EPB41L1: variants seen among roughly 807,000 people sequenced by gnomAD.
EPB41L1 encodes erythrocyte membrane protein band 4.1 like 1, also known as band 4.1-like protein 1.
Under a neutral mutation model 97.8 loss-of-function variants are expected in EPB41L1, and 29 were observed. The observed-to-expected ratio is 0.30, with a 90% CI of 0.22 to 0.40. EPB41L1 has a LOEUF of 0.40. Among genes scored for constraint, EPB41L1 ranks in the 10% least tolerant of loss-of-function variants. EPB41L1 has a pLI of 1.00. For synonymous variants in EPB41L1, 383 were observed against 459.2 expected (o/e 0.83, Z 2.12); for missense variants, 812 against 1,162.3 (o/e 0.70, Z 4.38).
intron 14 of EPB41L1, among the ~76,000 whole-genome samples, chr20:36,199,622 G>A (rs779242734): frequency 6.6e-6 from 1 of 152,212 alleles, no homozygotes; most frequent in African/African-American, 2.4e-5. Flanking sequence ...GTGGAAGAAG[G>A]GCAGACCTCT....
At chr20:36,157,235 A>AT (rs1285620808) in intron 1 of EPB41L1, among the ~76,000 whole-genome samples, 5 of 152,302 alleles carry the variant, frequency 3.3e-5, no homozygotes, top group Non-Finnish European at 7.4e-5. Context: ...AGAAAAAAAA[A>AT]GGGCGGGGAG....
chr20:36,119,687 G>A (rs2058692701), intron 2 of EPB41L1, among the ~76,000 whole-genome samples: 1 of 151,372 alleles, frequency 6.6e-6, no homozygotes, highest in African/African-American at 2.4e-5. Context: ...GAGGGGAAGG[G>A]AAGGAAAGGG....
intron 2 of EPB41L1, among the ~76,000 whole-genome samples, chr20:36,114,867 A>G (rs1350219487): frequency 6.6e-6 from 1 of 152,120 alleles, no homozygotes; most frequent in Non-Finnish European, 1.5e-5. Context: ...GTGCCTACCT[A>G]TGTAGCTAAC....
chr20:36,135,428 G>T (rs1208799589), intron 2 of EPB41L1, among the ~76,000 whole-genome samples: 1 of 152,236 alleles, frequency 6.6e-6, no homozygotes, highest in African/African-American at 2.4e-5. Flanking sequence ...GAGGTCAGGA[G>T]TCAGCGGGTT....
chr20:36,098,209 A>G (rs1228106102), intron 1 of EPB41L1, among the ~76,000 whole-genome samples: 3 of 152,154 alleles, frequency 2.0e-5, no homozygotes. Flanking sequence ...ACTTCTCATG[A>G]GGAGCCTCTG....
intron 1 of EPB41L1, among the ~76,000 whole-genome samples, chr20:36,167,200 TAAGG>T (rs1284946766): frequency 6.6e-6 from 1 of 151,972 alleles, no homozygotes; most frequent in Non-Finnish European, 1.5e-5. Context: ...AGACTATCAT[TAAGG>T]ACAAAGCCCC....
intron 14 of EPB41L1, among the ~76,000 whole-genome samples, chr20:36,201,197 C>T (rs1371398707): frequency 2.0e-5 from 3 of 152,206 alleles, no homozygotes; most frequent in Admixed American, 6.5e-5. Flanking sequence ...CATTGTTTCT[C>T]AGGAGGGACA....
At chr20:36,187,000 G>C (rs998197886) in intron 7 of EPB41L1, among the ~76,000 whole-genome samples, 6 of 152,054 alleles carry the variant, frequency 3.9e-5, no homozygotes, top group Admixed American at 2.6e-4. Context: ...TCTCTGTGCC[G>C]GTTTTTTCAT....
intron 11 of EPB41L1, 149 bp from the exon 12 acceptor site, chr20:36,194,063 G>GA (rs1249428595): frequency 9.5e-7 from 1 of 1,054,810 alleles, no homozygotes; most frequent in African/African-American, 1.6e-5. Flanking sequence ...CATGTGATCA[G>GA]AAGTCTACTT....
chr20:36,202,052 T>A (rs959330194), intron 14 of EPB41L1, among the ~76,000 whole-genome samples: 1 of 152,160 alleles, frequency 6.6e-6, no homozygotes, highest in Non-Finnish European at 1.5e-5. Flanking sequence ...AACAAAACTA[T>A]CCGCACACTC....
At chr20:36,213,575 C>T (rs998082870) in intron 16 of EPB41L1, among the ~76,000 whole-genome samples, 2 of 152,112 alleles carry the variant, frequency 1.3e-5, no homozygotes, top group East Asian at 3.8e-4. Context: ...GCTGCTTCCC[C>T]CACTGACCTG....
At chr20:36,137,679 C>T (rs1258407216) in intron 2 of EPB41L1, among the ~76,000 whole-genome samples, 3 of 152,070 alleles carry the variant, frequency 2.0e-5, no homozygotes, top group Non-Finnish European at 1.5e-5. Flanking sequence ...CATGCACCAC[C>T]GTGCCCGTCT....
intron 2 of EPB41L1, among the ~76,000 whole-genome samples, chr20:36,117,512 A>G (rs903972925): frequency 6.6e-6 from 1 of 152,190 alleles, no homozygotes; most frequent in Non-Finnish European, 1.5e-5. Context: ...AGTCCTTCAT[A>G]TTCTTTTCTA....
intron 2 of EPB41L1, among the ~76,000 whole-genome samples, chr20:36,131,599 A>G (rs1254008579): frequency 1.3e-5 from 2 of 152,160 alleles, no homozygotes; most frequent in Non-Finnish European, 2.9e-5. Context: ...CTGTAAAGTG[A>G]ACATCATGAC....
intron 2 of EPB41L1, among the ~76,000 whole-genome samples, chr20:36,112,955 G>A (rs1020848585): frequency 6.6e-6 from 1 of 152,234 alleles, no homozygotes; most frequent in Admixed American, 6.5e-5. Flanking sequence ...GGGGAAAGTA[G>A]GGTCAGACTA....
In EPB41L1 at chr20:36,169,335, C is replaced by G. The variant is rs114792767; in HGVS notation, c.-14-4429C>G. ...GCTTTGGATCTGGGTCTGCCTGACT[C>G]CACAGCCTGTGCTGTGAAGCACTGA... On this transcript the variant is annotated intron_variant, in intron 1 of 21. Coordinates refer to ENST00000338074, the MANE Select transcript of EPB41L1 (RefSeq NM_012156.2). Among the ~76,000 whole-genome samples the G allele has an allele frequency of 6.3e-3, 954 of 152,320 alleles. 9 individuals are homozygous for G. The highest frequency in any genetic ancestry group is 0.022 in the African/African-American group (903 of 41,574).
At chr20:36,165,319 C>G (rs905943415) in intron 1 of EPB41L1, among the ~76,000 whole-genome samples, 1 of 151,984 alleles carries the variant, frequency 6.6e-6, no homozygotes, top group African/African-American at 2.4e-5. Context: ...TCCTCCCATT[C>G]TCTGTAATAG....
chr20:36,143,130 G>A (rs2059701871), intron 2 of EPB41L1, among the ~76,000 whole-genome samples: 1 of 138,058 alleles, frequency 7.2e-6, no homozygotes. Context: ...TGTGAGGGAG[G>A]GTGTGTTTGT....
At chr20:36,192,040 A>G (rs1236703089) in intron 11 of EPB41L1, among the ~76,000 whole-genome samples, 2 of 152,098 alleles carry the variant, frequency 1.3e-5, no homozygotes, top group East Asian at 3.9e-4. Context: ...AGCCTGACCA[A>G]TATGATGAAA....
Sources: gnomAD v4.1 joint callset for allele counts (sites outside exome capture counted in the v4.1 genomes callset) on GRCh38, gnomAD v4.1.1 for gene constraint, MANE v1.5 for transcripts, NCBI Gene and HGNC (gene_info 2026-07-23, HGNC 2026-07-21) for gene names.